Variants in PRKN observed in about 807,000 individuals in gnomAD.
PRKN encodes parkin RBR E3 ubiquitin protein ligase.
A neutral mutation model predicts 59.5 loss-of-function variants in PRKN; 56 were observed. The ratio of observed to expected loss-of-function variants is 0.94; its 90% CI spans 0.76 to 1.18. The LOEUF (loss-of-function observed/expected upper bound fraction) is 1.18. Ranked by LOEUF, PRKN falls within the 50% of genes most tolerant of loss-of-function variation. The pLI is 0.00. For missense variants in PRKN, 657 were observed against 596.4 expected, an observed-to-expected ratio of 1.10 and a Z score of -1.06; for synonymous variants, 250 against 222.1, an observed-to-expected ratio of 1.13 and a Z score of -1.12.
At chr6:162,588,713 G>A (rs1350330399) in intron 1 of PRKN, among the ~76,000 whole-genome samples, 8 of 151,906 alleles carry the variant, frequency 5.3e-5, no homozygotes, top group East Asian at 1.9e-4. Context: ...CACCACGCCC[G>A]GGTAATTTTT....
intron 1 of PRKN, among the ~76,000 whole-genome samples, chr6:162,485,035 A>G (rs966146885): frequency 6.6e-6 from 1 of 152,226 alleles, no homozygotes; most frequent in Non-Finnish European, 1.5e-5. Flanking sequence ...GTAATTATTA[A>G]TGTGAATGTA....
Position 161,576,482 on chromosome 6 carries a change from C to T in PRKN, c.872-7066G>A, listed in dbSNP as rs565158797. 2.6e-5 allele frequency among the ~76,000 whole-genome samples: 4 copies of T among 152,232 alleles called. No homozygotes were observed. The highest frequency in any genetic ancestry group is 1.9e-4 in the East Asian group (1 of 5,182). On this transcript the variant is annotated intron_variant, in intron 7 of 11. Transcript: ENST00000366898. This position sits in a 1 kb window ranked among gnomAD's most constrained non-coding sequence, Gnocchi z 4.6. ...TTTTGTAATAACAGCAACAACAAAACGACACATCTAAAATGACCATCAACA... is the reference window on the plus strand; with the variant it reads ...TTTTGTAATAACAGCAACAACAAAATGACACATCTAAAATGACCATCAACA...
chr6:161,878,390 T>G (rs1215666988), intron 6 of PRKN, among the ~76,000 whole-genome samples: 1 of 152,154 alleles, frequency 6.6e-6, no homozygotes, highest in Non-Finnish European at 1.5e-5. Context: ...CCTTTCTTAG[T>G]GGCCCCTCCC....
intron 3 of PRKN, among the ~76,000 whole-genome samples, chr6:162,204,769 C>A (rs999032401): frequency 6.6e-6 from 1 of 151,648 alleles, no homozygotes; most frequent in African/African-American, 2.4e-5. Context: ...AGTTCAGGGC[C>A]CTTTTAAAGC....
intron 3 of PRKN, among the ~76,000 whole-genome samples, chr6:162,225,411 A>ATGTT (rs1778126656): frequency 6.6e-6 from 1 of 152,234 alleles, no homozygotes; most frequent in Non-Finnish European, 1.5e-5. Context: ...TGAACTTGAG[A>ATGTT]AATTCAGGCT....
At chr6:162,364,601 C>T (rs1372176766) in intron 2 of PRKN, among the ~76,000 whole-genome samples, 5 of 152,124 alleles carry the variant, frequency 3.3e-5, no homozygotes, top group Non-Finnish European at 7.3e-5. Flanking sequence ...GAAAGCCCCA[C>T]GCTCGGTGCC....
intron 4 of PRKN, among the ~76,000 whole-genome samples, chr6:162,114,980 G>C (rs867770324): frequency 0.15 from 21,856 of 149,250 alleles, 2,037 homozygotes; most frequent in African/African-American, 0.26. Flanking sequence ...TTTGACCCAG[G>C]CATCCCATTA....
chr6:162,569,590 C>T (rs1186474991), intron 1 of PRKN: 2 of 717,176 alleles, frequency 2.8e-6, no homozygotes, highest in Admixed American at 3.5e-5. Context: ...TCAGCTATGG[C>T]CTGGGCTCCA....
intron 2 of PRKN, among the ~76,000 whole-genome samples, chr6:162,392,395 T>C (rs1229556374): frequency 6.6e-6 from 1 of 152,136 alleles, no homozygotes; most frequent in Admixed American, 6.5e-5. Context: ...AATCTCTGTC[T>C]ACTAGAATCT....
intron 2 of PRKN, among the ~76,000 whole-genome samples, chr6:162,336,903 T>C (rs1473201397): frequency 6.6e-6 from 1 of 152,168 alleles, no homozygotes; most frequent in Admixed American, 6.5e-5. Context: ...ACTGAATTGT[T>C]TTCATCACTG....
At chr6:161,631,702 ATCC>A (rs1197475004) in intron 7 of PRKN, among the ~76,000 whole-genome samples, 1 of 152,016 alleles carries the variant, frequency 6.6e-6, no homozygotes, top group African/African-American at 2.4e-5. Flanking sequence ...TTAGAGGAAT[ATCC>A]TCCTCTTCTT....
intron 4 of PRKN, among the ~76,000 whole-genome samples, chr6:162,091,230 C>T (rs551223023): frequency 2.0e-4 from 31 of 152,060 alleles, no homozygotes; most frequent in African/African-American, 7.5e-4. Context: ...TAAAAATGTG[C>T]TATCTGATTA....
intron 5 of PRKN, among the ~76,000 whole-genome samples, chr6:162,033,807 T>C (rs192135252): frequency 9.0e-4 from 137 of 152,342 alleles, no homozygotes; most frequent in Non-Finnish European, 1.8e-3. Flanking sequence ...CATTGTGTGT[T>C]TTCCTTCCAT....
At chr6:161,771,108 G>A (rs1249243469) in intron 7 of PRKN, among the ~76,000 whole-genome samples, 2 of 152,044 alleles carry the variant, frequency 1.3e-5, no homozygotes, top group Non-Finnish European at 2.9e-5. Flanking sequence ...TGTAATCCCA[G>A]CACTTTGGGA....
At chr6:162,305,223 T>G (rs1441133629) in intron 2 of PRKN, among the ~76,000 whole-genome samples, 1 of 152,188 alleles carries the variant, frequency 6.6e-6, no homozygotes, top group Non-Finnish European at 1.5e-5. Flanking sequence ...ATGTCATGGC[T>G]AATTATGCCC....
chr6:161,886,731 A>AATAAC (rs71004069), intron 6 of PRKN, among the ~76,000 whole-genome samples: 7 of 70,208 alleles, frequency 1.0e-4, no homozygotes, highest in African/African-American at 3.6e-4. Flanking sequence ...AATAACATAA[A>AATAAC]ATAAAATAAA....
At chr6:161,477,510 C>CAAAAAAAAAAAA (rs55713712) in intron 9 of PRKN, among the ~76,000 whole-genome samples, 1 of 124,334 alleles carries the variant, frequency 8.0e-6, no homozygotes, top group Non-Finnish European at 1.7e-5. Context: ...AACTCCATCT[C>CAAAAAAAAAAAA]AAAAAAAAAA....
At chr6:162,250,210 T>TA (rs1236779631) in intron 3 of PRKN, among the ~76,000 whole-genome samples, 5 of 151,772 alleles carry the variant, frequency 3.3e-5, no homozygotes, top group Admixed American at 6.6e-5. Flanking sequence ...GAATGGAGTG[T>TA]AAAAAAATAG....
rs1583577885 is a variant in PRKN at position 162,441,773 on chromosome 6, T to G, written c.171+1537A>C. ...CAAAATAGACTCATAAATCAACACA[T>G]GTCTTAGGCATATATGTTTGCAAAG... On this transcript the variant is annotated intron_variant, in intron 2 of 11. Coordinates refer to ENST00000366898, the MANE Select transcript of PRKN (RefSeq NM_004562.3). Among the ~76,000 whole-genome samples the G allele has an allele frequency of 2.0e-5, 3 of 152,290 alleles. No homozygotes were observed. The Middle Eastern group carries it at 0.01, about 518-fold the overall frequency.
Sources: gnomAD v4.1 joint callset for allele counts (sites outside exome capture counted in the v4.1 genomes callset) on GRCh38, gnomAD v4.1.1 for gene constraint, Gnocchi (gnomAD v3.1) non-coding constraint, MANE v1.5 for transcripts, NCBI Gene and HGNC (gene_info 2026-07-23, HGNC 2026-07-21) for gene names.